Variants in EBF4 observed in about 807,000 individuals in gnomAD.
The protein encoded by EBF4 is EBF transcription factor 4, also known as transcription factor COE4.
A neutral mutation model predicts 67.1 loss-of-function variants in EBF4; 34 were observed. That is an observed-to-expected ratio of 0.51 (90% CI 0.39 to 0.67). EBF4 has a LOEUF of 0.67. EBF4 is among the 30% of genes least tolerant of loss of function. EBF4 has a pLI of 0.00. For missense variants in EBF4, 837 were observed against 873.3 expected, an observed-to-expected ratio of 0.96 and a Z score of 0.52; for synonymous variants, 387 against 377.7, an observed-to-expected ratio of 1.02 and a Z score of -0.29.
At chr20:2,713,499 G>A (rs1046575998) in intron 6 of EBF4, among the ~76,000 whole-genome samples, 2 of 152,132 alleles carry the variant, frequency 1.3e-5, no homozygotes, top group African/African-American at 4.8e-5. Context: ...AATGTCATGT[G>A]ATTGACAAGC....
At chr20:2,722,896 C>T (rs2087700668) in intron 6 of EBF4, among the ~76,000 whole-genome samples, 1 of 152,182 alleles carries the variant, frequency 6.6e-6, no homozygotes, top group Admixed American at 6.5e-5. Context: ...TCTCTTGTCA[C>T]TAATTTCTAA....
chr20:2,693,712 G>T lies in EBF4; in HGVS notation c.67G>T (p.Ala23Ser). 1 of 1,410,878 alleles carries T rather than the reference G, an allele frequency of 7.1e-7. No homozygotes were observed. Among genetic ancestry groups the T allele is most frequent in the Non-Finnish European group, 9.2e-7 (1 of 1,088,348 alleles). The allele number at this position is 1,410,878 out of a possible 1,614,324, so 87.4% of individuals were successfully genotyped here. A position where few individuals can be genotyped will look rare whatever the true frequency, so the allele number is the denominator to read the frequency against. The stretch of plus-strand genomic sequence containing the variant: ...CCTGAAGGAGGAGCCGCTGCTGCCC[G>T]CCGGCCTGGGCTCAGTGCGCTCCTG... Residue 23 changes from alanine (A) to serine (S), a missense_variant, in exon 1 of 17, where the codon GCC becomes TCC. Around this residue, in one of 3 missense-constraint regions of EBF4, gnomAD observed 86 missense variants for 70.3 expected, o/e 1.22. Transcript: ENST00000609451. This position sits in a 1 kb window ranked among gnomAD's most constrained non-coding sequence, Gnocchi z 4.6.
intron 6 of EBF4, among the ~76,000 whole-genome samples, chr20:2,712,726 G>A (rs1170491260): frequency 6.6e-6 from 1 of 152,168 alleles, no homozygotes; most frequent in Non-Finnish European, 1.5e-5. Flanking sequence ...GAGGTGTCTA[G>A]TATTTAGAGG....
rs565034536 is a variant in EBF4 at position 2,695,596 on chromosome 20, C to T, written c.137+1814C>T. On this transcript the variant is annotated intron_variant, in intron 1 of 16. Coordinates refer to ENST00000609451, the Ensembl canonical transcript of EBF4. ...GACATAGACTAGGAGCCCCCACTCG[C>T]TTTGTTGTTCAGCTGACTTTCCTCC... is the stretch of plus-strand genomic sequence containing the variant. Among the ~76,000 whole-genome samples, 8 of 152,316 alleles carry T rather than the reference C, an allele frequency of 5.3e-5. No homozygotes were observed. The South Asian group carries it at 1.5e-3, about 28-fold the overall frequency.
chr20:2,740,744 G>A (rs2087954706), intron 6 of EBF4, among the ~76,000 whole-genome samples: 1 of 152,114 alleles, frequency 6.6e-6, no homozygotes, highest in African/African-American at 2.4e-5. Context: ...TATAGAGGGA[G>A]TTTAACAAGG....
At chr20:2,723,639 G>A (rs6051336) in intron 6 of EBF4, among the ~76,000 whole-genome samples, 5,588 of 152,188 alleles carry the variant, frequency 0.037, 357 homozygotes, top group African/African-American at 0.13. Context: ...TTGAGCCACC[G>A]CGCCCGGCCA....
At chr20:2,727,913 T>G (rs2087766369) in intron 6 of EBF4, among the ~76,000 whole-genome samples, 1 of 152,198 alleles carries the variant, frequency 6.6e-6, no homozygotes, top group African/African-American at 2.4e-5. Context: ...TATTTGGGGG[T>G]TTTCTGAGTG....
intron 10 of EBF4, 103 bp downstream of exon 10, chr20:2,750,076 G>A (rs1019203028): frequency 4.9e-6 from 7 of 1,434,196 alleles, no homozygotes; most frequent in Non-Finnish European, 2.7e-6. Flanking sequence ...CGAGCTCTAC[G>A]CTGTGGCCAC....
In EBF4 at chr20:2,750,292, T is replaced by TCCGCACTCTAAACTCC. The variant is rs199685757; in HGVS notation, c.1018+321_1018+322insGCACTCTAAACTCCCC. Among the ~76,000 whole-genome samples, 1,122 of 152,108 alleles carry TCCGCACTCTAAACTCC rather than the reference T, an allele frequency of 7.4e-3. 29 individuals are homozygous for TCCGCACTCTAAACTCC. Among genetic ancestry groups the TCCGCACTCTAAACTCC allele is most frequent in the African/African-American group, 0.026 (1,063 of 41,496 alleles). ...AACATTGTGTCTCCCGCCCGCACTC[T>TCCGCACTCTAAACTCC]CCAGGGTTTAGAGCCTCTCCAAAGG... On this transcript the variant is annotated intron_variant, in intron 10 of 16. Coordinates refer to ENST00000609451, the Ensembl canonical transcript of EBF4.
In EBF4 at chr20:2,717,428, A is replaced by G. The variant is rs548488605; in HGVS notation, c.557+7786A>G. 7.9e-5 allele frequency among the ~76,000 whole-genome samples: 12 copies of G among 152,344 alleles called. No homozygotes were observed. In the East Asian group the frequency reaches 1.9e-3, roughly 24 times the overall value. The stretch of plus-strand genomic sequence containing the variant: ...CAAATTAGGATTGGGGGAATGTACA[A>G]TTTTAAATGAGGTAGTCAATTAAGC... On this transcript the variant is annotated intron_variant, in intron 6 of 16. Coordinates refer to ENST00000609451, the Ensembl canonical transcript of EBF4.
At chr20:2,758,753 G>T (rs936564361) in intron 15 of EBF4, 156 bp from the exon 16 acceptor site, 1 of 672,844 alleles carries the variant, frequency 1.5e-6, no homozygotes, top group Non-Finnish European at 2.6e-6. Flanking sequence ...CCCTCACCCC[G>T]ATCTGCAGTG....
Position 2,751,581 on chromosome 20 carries a change from G to T in EBF4, c.1019-119G>T. On this transcript the variant is annotated intron_variant, in intron 10 of 16. Coordinates refer to ENST00000609451, the Ensembl canonical transcript of EBF4. This position sits in a 1 kb window ranked among gnomAD's most constrained non-coding sequence, Gnocchi z 5.2. ...CGGGGGACTTGGGCTGGGCCTGGTG[G>T]AGGGGGCTGCAGCGAGGCTCTCGGA... The T allele has an allele frequency of 2.0e-6, 2 of 1,009,414 alleles. No homozygotes were observed. The highest frequency in any genetic ancestry group is 3.0e-6 in the Non-Finnish European group (2 of 674,138). 62.5% of individuals were successfully genotyped at this position (1,009,414 alleles called of 1,614,324 possible).
chr20:2,743,222 T>C, intron 6 of EBF4, among the ~76,000 whole-genome samples: 1 of 152,202 alleles, frequency 6.6e-6, no homozygotes, highest in South Asian at 2.1e-4. Context: ...TCCTGGGTTG[T>C]TCTCACGTTC....
rs902328730 is a variant in EBF4 at position 2,759,079 on chromosome 20, G to A, written c.*5+95G>A. The A allele has an allele frequency of 3.5e-4, 418 of 1,200,484 alleles. 1 individual carries two copies. The highest frequency in any genetic ancestry group is 1.7e-3 in the South Asian group (129 of 75,084). The allele number at this position is 1,200,484 out of a possible 1,614,324, so 74.4% of individuals were successfully genotyped here. ...CTTCATCCTGTGCTCAAGCCTCCCC[G>A]CTAGCAGCCCCACAGGGATGGGGAG... is the stretch of plus-strand genomic sequence containing the variant. On this transcript the variant is annotated intron_variant, in intron 16 of 16. Coordinates refer to ENST00000609451, the Ensembl canonical transcript of EBF4.
At chr20:2,744,261 T>G (rs1209352621) in intron 6 of EBF4, among the ~76,000 whole-genome samples, 1 of 151,218 alleles carries the variant, frequency 6.6e-6, no homozygotes, top group Non-Finnish European at 1.5e-5. Context: ...TTATATCAGG[T>G]CATCAAAATT....
At chr20:2,730,983 C>G (rs1391197848) in intron 6 of EBF4, among the ~76,000 whole-genome samples, 1 of 152,152 alleles carries the variant, frequency 6.6e-6, no homozygotes, top group Non-Finnish European at 1.5e-5. Context: ...ACTGCAACCT[C>G]CACCTCCAGG....
At position 2,752,000 on chromosome 20, in the gene EBF4, C is replaced by T. The variant is rs1486775113; in HGVS notation, c.1173+13C>T. ...CGGCAGTAACCAGGTATGGCGCCTCCGCCCTCCCAGCGCCGCCGGGACCGG... is the reference window on the plus strand; with the variant it reads ...CGGCAGTAACCAGGTATGGCGCCTCTGCCCTCCCAGCGCCGCCGGGACCGG... On this transcript the variant is annotated intron_variant, in intron 12 of 16. Coordinates refer to ENST00000609451, the Ensembl canonical transcript of EBF4. The surrounding 1 kb of genome is among the most constrained non-coding windows in gnomAD (Gnocchi z 5.2). 1.9e-6 allele frequency: 3 copies of T among 1,539,914 alleles called. 1 individual carries two copies. Among genetic ancestry groups the T allele is most frequent in the Middle Eastern group, 2.2e-4 (1 of 4,642 alleles).
chr20:2,704,733 G>A (rs78545541), intron 1 of EBF4, among the ~76,000 whole-genome samples: 5,395 of 152,318 alleles, frequency 0.035, 326 homozygotes, highest in African/African-American at 0.12. Flanking sequence ...CCCTTTGTCT[G>A]ATGTTGTACC....
intron 6 of EBF4, 38 bp downstream of exon 6, chr20:2,709,680 G>T: frequency 6.7e-7 from 1 of 1,495,680 alleles, no homozygotes. Context: ...GCTCAGAGGA[G>T]AGTGGGGGAG....
Sources: gnomAD v4.1 joint callset for allele counts (sites outside exome capture counted in the v4.1 genomes callset) on GRCh38, gnomAD v4.1.1 for gene constraint, gnomAD v4.1.1 regional missense constraint, Gnocchi (gnomAD v3.1) non-coding constraint, MANE v1.5 for transcripts, NCBI Gene and HGNC (gene_info 2026-07-23, HGNC 2026-07-21) for gene names.